The following UGGT2 variants were observed in gnomAD, a reference collection of about 807,000 sequenced individuals.
UGGT2 encodes the protein UDP-glucose:glycoprotein glucosyltransferase 2.
A neutral mutation model predicts 192.1 loss-of-function variants in UGGT2; 180 were observed. The observed-to-expected ratio is 0.94, with a 90% confidence interval of 0.83 to 1.06. The LOEUF is 1.06. Ranked by LOEUF, UGGT2 falls within the 50% of genes least tolerant of loss-of-function variation. The pLI is 0.00. For missense variants in UGGT2, 1,849 were observed against 1,795.7 expected, an observed-to-expected ratio of 1.03 and a Z score of -0.54; for synonymous variants, 580 against 591.0, an observed-to-expected ratio of 0.98 and a Z score of 0.27.
intron 29 of UGGT2, among the ~76,000 whole-genome samples, chr13:95,870,646 C>G (rs1045952680): frequency 6.6e-6 from 1 of 152,204 alleles, no homozygotes; most frequent in African/African-American, 2.4e-5. Flanking sequence ...ATCCAGCCCT[C>G]CTGGAGAGCT....
rs570933984 is a variant in UGGT2 at position 95,996,580 on chromosome 13, C to T, written c.758-445G>A. ...TTTTCCTTCATGGACCAGATTAATA[C>T]ATATATATGCATGTGTACAGGCTAA... On this transcript the variant is annotated intron_variant, in intron 6 of 38. Coordinates refer to ENST00000376747, the MANE Select transcript of UGGT2 (RefSeq NM_020121.4). 3.3e-5 allele frequency among the ~76,000 whole-genome samples: 5 copies of T among 151,866 alleles called. No homozygotes were observed. In the East Asian group the frequency reaches 7.7e-4, roughly 24 times the overall value.
intron 1 of UGGT2, among the ~76,000 whole-genome samples, chr13:96,035,792 A>G (rs973856011): frequency 1.3e-5 from 2 of 152,252 alleles, no homozygotes; most frequent in Non-Finnish European, 2.9e-5. Flanking sequence ...TCATGCGGCC[A>G]ACAAACATGA....
Position 95,999,247 on chromosome 13 carries a change from T to C in UGGT2, c.721A>G (p.Thr241Ala). The C allele has an allele frequency of 1.2e-6, 2 of 1,613,692 alleles. No individual in the cohort carries two copies. The highest frequency in any genetic ancestry group is 1.7e-6 in the Non-Finnish European group (2 of 1,179,748). The change falls in exon 6 of 39, where the codon ACA (threonine) becomes GCA (alanine). Residue 241 changes from threonine (T) to alanine (A), a missense_variant. By Grantham distance (58) the Thr-to-Ala change is moderately conservative. Transcript: ENST00000376747. Reference protein sequence around the residue: ...GYGVELAIKSTEYKALDDTQV... With the variant: ...GYGVELAIKSAEYKALDDTQV... ...GTATCATCCAGTGCTTTGTATTCTG[T>C]ACTCTTAATTGCTAGCTCCACACCA...
At chr13:95,871,789 G>A (rs1206667841) in intron 29 of UGGT2, among the ~76,000 whole-genome samples, 1 of 152,194 alleles carries the variant, frequency 6.6e-6, no homozygotes, top group Non-Finnish European at 1.5e-5. Flanking sequence ...CAGGAGGTAT[G>A]AGGAGACCAC....
At chr13:95,941,918 A>T (rs894583320) in intron 15 of UGGT2, among the ~76,000 whole-genome samples, 1 of 152,152 alleles carries the variant, frequency 6.6e-6, no homozygotes, top group Non-Finnish European at 1.5e-5. Context: ...TGCATTTATC[A>T]TTCCCTTTCC....
chr13:95,889,023 T>C (rs2047725977), intron 25 of UGGT2, among the ~76,000 whole-genome samples: 1 of 152,150 alleles, frequency 6.6e-6, no homozygotes, highest in Admixed American at 6.6e-5. Context: ...TCTTGCTATG[T>C]TGCCCAGGCT....
intron 30 of UGGT2, among the ~76,000 whole-genome samples, chr13:95,865,639 G>A (rs1890592549): frequency 6.6e-6 from 1 of 152,188 alleles, no homozygotes; most frequent in African/African-American, 2.4e-5. Context: ...ACTCCAGAGT[G>A]AGCAACAGAG....
chr13:95,999,614 C>T (rs1010561157), intron 5 of UGGT2, among the ~76,000 whole-genome samples: 7 of 152,058 alleles, frequency 4.6e-5, no homozygotes, highest in Admixed American at 1.3e-4. Context: ...GTTAATTAAA[C>T]AGAGGATCCA....
intron 12 of UGGT2, among the ~76,000 whole-genome samples, chr13:95,958,596 T>C (rs2050287086): frequency 1.4e-5 from 2 of 143,106 alleles, no homozygotes; most frequent in African/African-American, 5.1e-5. Context: ...CTTAAGATCT[T>C]TTTTTTTTTT....
intron 38 of UGGT2, among the ~76,000 whole-genome samples, chr13:95,821,152 A>G (rs1226093539): frequency 6.6e-6 from 1 of 152,054 alleles, no homozygotes; most frequent in Non-Finnish European, 1.5e-5. Context: ...TTAGTTCTTT[A>G]AAGAGTCTCC....
At chr13:95,842,637 A>T (rs557281180) in intron 36 of UGGT2, among the ~76,000 whole-genome samples, 2 of 152,238 alleles carry the variant, frequency 1.3e-5, no homozygotes, top group Admixed American at 6.5e-5. Flanking sequence ...GTCAATTCTG[A>T]GACTAGACTA....
chr13:96,027,777 T>A (rs1474116282), intron 2 of UGGT2, among the ~76,000 whole-genome samples: 2 of 152,216 alleles, frequency 1.3e-5, no homozygotes, highest in Admixed American at 1.3e-4. Flanking sequence ...TACTCACATC[T>A]TAACTTACTA....
At chr13:95,804,565 A>G (rs1884214183) in intron 38 of UGGT2, among the ~76,000 whole-genome samples, 1 of 152,228 alleles carries the variant, frequency 6.6e-6, no homozygotes, top group South Asian at 2.1e-4. Context: ...ACAAAGCTTC[A>G]GTAATGAAAA....
chr13:95,816,560 T>A (rs1884914445), intron 38 of UGGT2, among the ~76,000 whole-genome samples: 1 of 152,102 alleles, frequency 6.6e-6, no homozygotes. Context: ...CATTCAAGAA[T>A]AAAAAGGAAT....
In UGGT2 at chr13:95,898,670, G is replaced by C. The variant is rs150166832; in HGVS notation, c.2634+2137C>G. ...GAGGTGTTTAGGTCATGAGGGCTGT[G>C]CCTCAAAATGGACTAATGCCACTAT... On this transcript the variant is annotated intron_variant, in intron 22 of 38. Transcript: ENST00000376747. Among the ~76,000 whole-genome samples, 486 of 152,216 alleles carry C rather than the reference G, an allele frequency of 3.2e-3. 4 individuals carry two copies. The highest frequency in any genetic ancestry group is 0.01 in the African/African-American group (436 of 41,546).
Position 95,927,134 on chromosome 13 carries a change from A to C in UGGT2, c.2102-8T>G. On this transcript the variant is annotated splice_polypyrimidine_tract_variant and splice_region_variant and intron_variant, in intron 18 of 38. Coordinates refer to ENST00000376747, the MANE Select transcript of UGGT2 (RefSeq NM_020121.4). Reference sequence around the variant, plus strand: ...CTTCAACATCAGCAGTTACTGAAAAATTTCAAATTAAACGTTAAATATAAA... The same window carrying C: ...CTTCAACATCAGCAGTTACTGAAAACTTTCAAATTAAACGTTAAATATAAA... 1 of 1,606,884 alleles carries C rather than the reference A, an allele frequency of 6.2e-7. No homozygotes were observed. The highest frequency in any genetic ancestry group is 8.5e-7 in the Non-Finnish European group (1 of 1,178,052).
chr13:96,032,583 TA>T (rs1270359534), intron 1 of UGGT2, among the ~76,000 whole-genome samples: 1 of 152,084 alleles, frequency 6.6e-6, no homozygotes, highest in Non-Finnish European at 1.5e-5. Context: ...CTTTCAGAAA[TA>T]ATGAAATAAA....
At chr13:95,984,473 T>C (rs896051589) in intron 9 of UGGT2, among the ~76,000 whole-genome samples, 1 of 152,030 alleles carries the variant, frequency 6.6e-6, no homozygotes, top group Non-Finnish European at 1.5e-5. Context: ...GGACTACAGG[T>C]ACACACCACC....
intron 9 of UGGT2, among the ~76,000 whole-genome samples, chr13:95,985,818 G>GT (rs1397797833): frequency 6.6e-6 from 1 of 152,064 alleles, no homozygotes; most frequent in African/African-American, 2.4e-5. Flanking sequence ...TATGTTTAAT[G>GT]TAACATCAGT....
Sources: allele counts gnomAD v4.1 joint callset (sites outside exome capture counted in the v4.1 genomes callset), GRCh38; gene constraint gnomAD v4.1.1; transcripts MANE v1.5; gene names NCBI Gene and HGNC (gene_info 2026-07-23, HGNC 2026-07-21).